Variants in MTREX observed in about 807,000 individuals in gnomAD.
MTREX encodes Mtr4 exosome RNA helicase, also known as exosome RNA helicase MTR4.
In MTREX, 76 loss-of-function variants were observed where a neutral mutation model predicts 135.4. The ratio of observed to expected loss-of-function variants is 0.56; its 90% CI spans 0.47 to 0.68. MTREX has a LOEUF of 0.68. MTREX is among the 30% of genes least tolerant of loss of function. The pLI, the probability that MTREX is intolerant of heterozygous loss-of-function variation, is 0.00. For synonymous variants in MTREX, 404 were observed against 401.6 expected (o/e 1.01, Z -0.07); for missense variants, 920 against 1,262.1 (o/e 0.73, Z 4.11).
At chr5:55,410,443 A>C in intron 22 of MTREX, 81 bp from the exon 23 acceptor site, 1 of 649,532 alleles carries the variant, frequency 1.5e-6, no homozygotes, top group Non-Finnish European at 2.6e-6. Context: ...TATTTTATTA[A>C]AAACTACACG....
At chr5:55,364,498 G>C (rs933296846) in intron 15 of MTREX, among the ~76,000 whole-genome samples, 1 of 152,190 alleles carries the variant, frequency 6.6e-6, no homozygotes, top group Admixed American at 6.5e-5. Context: ...ACTGAGTTCA[G>C]TACCTACAGG....
At chr5:55,422,154 G>A in intron 25 of MTREX, among the ~76,000 whole-genome samples, 1 of 152,184 alleles carries the variant, frequency 6.6e-6, no homozygotes, top group Non-Finnish European at 1.5e-5. Flanking sequence ...TAGGCAGGTA[G>A]CACTTAGAGA....
rs183210105 is a variant in MTREX, at chr5:55,384,138, A to T, written c.2053-3836A>T. 5.9e-5 allele frequency among the ~76,000 whole-genome samples: 9 copies of T among 152,286 alleles called. No individual in the cohort carries two copies. In the East Asian group the frequency reaches 1.5e-3, roughly 26 times the overall value. On this transcript the variant is annotated intron_variant, in intron 18 of 26. Transcript: ENST00000230640. ...CTCCCCTGGAACTTCCATTATGGGT[A>T]TGTTGCACTTAATGGTGTCCTATAT... is the stretch of plus-strand genomic sequence containing the variant.
chr5:55,343,548 C>A, intron 8 of MTREX, 93 bp downstream of exon 8: 1 of 1,088,682 alleles, frequency 9.2e-7, no homozygotes, highest in Admixed American at 2.6e-5. Context: ...CTGATGTTGT[C>A]CAGAATAATA....
intron 23 of MTREX, among the ~76,000 whole-genome samples, chr5:55,412,472 G>T (rs1750897982): frequency 6.6e-6 from 1 of 152,138 alleles, no homozygotes; most frequent in South Asian, 2.1e-4. Context: ...TTGCTTTCCT[G>T]ATACTTACAT....
chr5:55,360,597 A>G lies in MTREX; in HGVS notation c.1659+1899A>G, dbSNP rs1183903288. 2.6e-5 allele frequency among the ~76,000 whole-genome samples: 4 copies of G among 152,104 alleles called. No homozygotes were observed. The South Asian group carries it at 8.3e-4, about 31-fold the overall frequency. ...ATTATATGAGGCTTCTAATTTCTTTACATTCTAGCCAGCACTTGTTAGCTG... is the reference window on the plus strand; with the variant it reads ...ATTATATGAGGCTTCTAATTTCTTTGCATTCTAGCCAGCACTTGTTAGCTG... On this transcript the variant is annotated intron_variant, in intron 15 of 26. Coordinates refer to ENST00000230640, the MANE Select transcript of MTREX (RefSeq NM_015360.5).
At chr5:55,361,690 T>G (rs921195182) in intron 15 of MTREX, among the ~76,000 whole-genome samples, 1 of 151,980 alleles carries the variant, frequency 6.6e-6, no homozygotes, top group Non-Finnish European at 1.5e-5. Context: ...ACTCCTGACC[T>G]CAGGTGATCT....
At chr5:55,414,119 A>T in intron 23 of MTREX, 63 bp from the exon 24 acceptor site, 1 of 1,119,746 alleles carries the variant, frequency 8.9e-7, no homozygotes, top group Non-Finnish European at 1.3e-6. Context: ...TAAAACGGGT[A>T]GTGTGAAAAA....
intron 10 of MTREX, among the ~76,000 whole-genome samples, chr5:55,346,172 T>C (rs573428481): frequency 2.6e-5 from 4 of 152,332 alleles, no homozygotes; most frequent in Non-Finnish European, 5.9e-5. Context: ...TGTTTTCCTC[T>C]GGATATGTAC....
chr5:55,383,421 G>A (rs1213672135), intron 18 of MTREX, among the ~76,000 whole-genome samples: 1 of 152,106 alleles, frequency 6.6e-6, no homozygotes, highest in East Asian at 1.9e-4. Context: ...CTTCATTTTT[G>A]AAAGGTAACT....
In MTREX at chr5:55,387,859, G is replaced by A. The variant is rs1010221917; in HGVS notation, c.2053-115G>A. 6 of 952,382 alleles carry A rather than the reference G, an allele frequency of 6.3e-6. No homozygotes were observed. In the African/African-American group the frequency reaches 8.2e-5, roughly 13 times the overall value. 59.0% of individuals were successfully genotyped at this position (952,382 alleles called of 1,614,324 possible). On this transcript the variant is annotated intron_variant, in intron 18 of 26. Coordinates refer to ENST00000230640, the MANE Select transcript of MTREX (RefSeq NM_015360.5). ...TCATAAAATAAGTATGTATTACACA[G>A]TTTGTGTCAGTCATAATGCTAAATG...
At chr5:55,352,820 T>C (rs1470676898) in intron 13 of MTREX, among the ~76,000 whole-genome samples, 1 of 152,204 alleles carries the variant, frequency 6.6e-6, no homozygotes, top group African/African-American at 2.4e-5. Flanking sequence ...AAAATCACTG[T>C]GTCATCAGTT....
intron 19 of MTREX, among the ~76,000 whole-genome samples, chr5:55,396,225 A>G (rs1750643689): frequency 6.6e-6 from 1 of 152,180 alleles, no homozygotes; most frequent in Non-Finnish European, 1.5e-5. Context: ...AAAGAAGACT[A>G]AGGAGACATG....
Position 55,344,615 on chromosome 5 carries a change from GA to G in MTREX, c.1004del (p.Asn335MetfsTer44). ...AGATGGCCTGCATCTTGTGGTTGAT[GA>G]AAATGTAAGAGAGTAATTGTCCTTT... ...GGDGLHLVVD[E>X]NGDFREDNFN... On this transcript the variant is annotated frameshift_variant, in exon 9 of 27. Transcript: ENST00000230640. LOFTEE classifies it high-confidence loss of function. 6.4e-7 allele frequency: 1 copy of G among 1,570,424 alleles called. No homozygotes were observed. The highest frequency in any genetic ancestry group is 1.1e-5 in the South Asian group (1 of 89,034).
chr5:55,341,520 A>G (rs959547185), intron 6 of MTREX, among the ~76,000 whole-genome samples, 161 bp from the exon 7 acceptor site: 1 of 152,202 alleles, frequency 6.6e-6, no homozygotes, highest in African/African-American at 2.4e-5. Context: ...ACTTTTGTTA[A>G]TATTTGTTAA....
chr5:55,404,873 G>A (rs1750778170), intron 21 of MTREX, among the ~76,000 whole-genome samples: 1 of 150,092 alleles, frequency 6.7e-6, no homozygotes, highest in Admixed American at 6.7e-5. Context: ...GCATCATCAC[G>A]GCTCAGTGCA....
chr5:55,387,642 T>G (rs536654697), intron 18 of MTREX, among the ~76,000 whole-genome samples: 1 of 152,090 alleles, frequency 6.6e-6, no homozygotes, highest in Non-Finnish European at 1.5e-5. Flanking sequence ...CTCAATCTAT[T>G]ATGTTAGAGT....
rs374491911 is a variant in MTREX at position 55,351,056 on chromosome 5, C to T, written c.1431+27C>T. 1.9e-4 allele frequency: 297 copies of T among 1,570,518 alleles called. 1 individual carries two copies. The African/African-American group carries it at 3.6e-3, about 19-fold the overall frequency. Reference sequence around the variant, plus strand: ...TATGGTTTTATTTTTATTTTTTATGCCCCCATATCATGTTGTATGAAGAGT... The same window carrying T: ...TATGGTTTTATTTTTATTTTTTATGTCCCCATATCATGTTGTATGAAGAGT... On this transcript the variant is annotated intron_variant, in intron 13 of 26. Transcript: ENST00000230640.
intron 1 of MTREX, among the ~76,000 whole-genome samples, chr5:55,313,478 T>A (rs1241585760): frequency 1.3e-5 from 2 of 152,150 alleles, no homozygotes; most frequent in Non-Finnish European, 1.5e-5. Flanking sequence ...TGCTGACAAT[T>A]ACATAATTAA....
Sources: gnomAD v4.1 joint callset for allele counts (sites outside exome capture counted in the v4.1 genomes callset) on GRCh38, gnomAD v4.1.1 for gene constraint, MANE v1.5 for transcripts, NCBI Gene and HGNC (gene_info 2026-07-23, HGNC 2026-07-21) for gene names.